The following ATF7IP2 variants were observed in gnomAD, a reference collection of about 807,000 sequenced individuals.
ATF7IP2 encodes the protein activating transcription factor 7-interacting protein 2.
ATF7IP2 carries 42 observed loss-of-function variants against 64.2 expected under a neutral mutation model. That is an observed-to-expected ratio of 0.65 (90% CI 0.51 to 0.85). The LOEUF is 0.85. Among genes scored for constraint, ATF7IP2 ranks in the 40% least tolerant of loss-of-function variants. The pLI is 0.00. For missense variants in ATF7IP2, 933 were observed against 784.2 expected (o/e 1.19, Z -2.27); for synonymous variants, 308 against 272.8 (o/e 1.13, Z -1.27).
rs770220539 is a variant in ATF7IP2 at position 10,480,906 on chromosome 16, A to G, written c.1577A>G (p.His526Arg). The G allele has an allele frequency of 6.2e-7, 1 of 1,613,058 alleles. No homozygotes were observed. Among genetic ancestry groups the G allele is most frequent in the Admixed American group, 1.7e-5 (1 of 60,000 alleles). The change falls in exon 13 of 14, where the codon CAT becomes CGT. Residue 526 changes from histidine (H) to arginine (R), a missense_variant. Transcript: ENST00000562102. The part of the protein sequence containing the change: ...TESPVSPLES[H>R]SKAASNSKET... ...AGTCCAGTATCCCCCCTGGAGTCAC[A>G]TTCGAAAGCTGCTTCAAACTCAAAG...
At chr16:10,432,526 A>T (rs541964533) in intron 5 of ATF7IP2, among the ~76,000 whole-genome samples, 5 of 152,252 alleles carry the variant, frequency 3.3e-5, no homozygotes, top group African/African-American at 1.2e-4. Context: ...GGATCGCTTG[A>T]GCCATCCAGG....
intron 6 of ATF7IP2, among the ~76,000 whole-genome samples, chr16:10,436,450 T>C (rs542132646): frequency 2.0e-5 from 3 of 151,880 alleles, no homozygotes; most frequent in Non-Finnish European, 4.4e-5. Context: ...TTAAAAGTTA[T>C]GAAAGTAAAA....
At chr16:10,424,744 A>G (rs908671560) in intron 3 of ATF7IP2, among the ~76,000 whole-genome samples, 2 of 152,214 alleles carry the variant, frequency 1.3e-5, no homozygotes, top group African/African-American at 2.4e-5. Flanking sequence ...AAGATTCTCA[A>G]CATCATTAGC....
In ATF7IP2 at chr16:10,459,443, G is replaced by A. The variant is rs530703204; in HGVS notation, c.1352+1914G>A. 2.4e-4 allele frequency among the ~76,000 whole-genome samples: 37 copies of A among 151,494 alleles called. 1 individual carries two copies. The South Asian group carries it at 5.0e-3, about 21-fold the overall frequency. On this transcript the variant is annotated intron_variant, in intron 9 of 13. Coordinates refer to ENST00000562102, the MANE Select transcript of ATF7IP2 (RefSeq NM_001393719.1). ...GTATCACACCACTGTGCTCCAGCCT[G>A]GGCGACAGAGCGAGACTCCATCTCA...
At chr16:10,447,240 A>G (rs1391094354) in intron 8 of ATF7IP2, 1 of 152,208 alleles carries the variant, frequency 6.6e-6, no homozygotes, top group East Asian at 1.9e-4. Context: ...CTGTGCACAT[A>G]GTTACCTGGT....
intron 9 of ATF7IP2, among the ~76,000 whole-genome samples, chr16:10,461,039 T>C (rs1278053169): frequency 6.6e-6 from 1 of 152,118 alleles, no homozygotes; most frequent in Non-Finnish European, 1.5e-5. Flanking sequence ...AAAAGACTTG[T>C]GCATCCACTT....
At chr16:10,401,781 A>G (rs1294992083) in intron 1 of ATF7IP2, among the ~76,000 whole-genome samples, 1 of 145,342 alleles carries the variant, frequency 6.9e-6, no homozygotes, top group Non-Finnish European at 1.5e-5. Flanking sequence ...TAATTGATTC[A>G]GTCTCACTAA....
chr16:10,400,588 T>C (rs1275226734), intron 1 of ATF7IP2, among the ~76,000 whole-genome samples: 1 of 152,246 alleles, frequency 6.6e-6, no homozygotes, highest in Non-Finnish European at 1.5e-5. Flanking sequence ...GGGGATTCTT[T>C]CAACCTTTCT....
rs184354772 is a variant in ATF7IP2 at position 10,417,418 on chromosome 16, G to A, written c.-202-2163G>A. ...TCTGTGCAATGGAAACCAAAATTGA[G>A]CAGGAGCAGCTAGACATATCTCACA... On this transcript the variant is annotated intron_variant, in intron 2 of 13. Coordinates refer to ENST00000562102, the MANE Select transcript of ATF7IP2 (RefSeq NM_001393719.1). Among the ~76,000 whole-genome samples, 3 of 152,256 alleles carry A rather than the reference G, an allele frequency of 2.0e-5. No homozygotes were observed. In the East Asian group the frequency reaches 5.8e-4, roughly 29 times the overall value.
chr16:10,430,570 C>A, intron 4 of ATF7IP2, 41 bp from the exon 5 acceptor site: 3 of 1,245,310 alleles, frequency 2.4e-6, no homozygotes, highest in South Asian at 1.5e-5. Flanking sequence ...AACTTTTATT[C>A]ACTAGAGAAA....
intron 6 of ATF7IP2, 87 bp from the exon 7 acceptor site, chr16:10,438,014 G>A (rs746553130): frequency 2.9e-6 from 3 of 1,050,526 alleles, no homozygotes; most frequent in Non-Finnish European, 3.9e-6. Context: ...AGTAAATCTG[G>A]AAAAGAGCAA....
chr16:10,440,690 T>C lies in ATF7IP2; in HGVS notation c.1194+228T>C, dbSNP rs186909329. ...GAAAGAGGATTGGTGATTGCCAAGA[T>C]TGGCTTCCCCCACCCCCATTTTATC... On this transcript the variant is annotated intron_variant, in intron 8 of 13. Coordinates refer to ENST00000562102, the MANE Select transcript of ATF7IP2 (RefSeq NM_001393719.1). Among the ~76,000 whole-genome samples, 354 of 152,332 alleles carry C rather than the reference T, an allele frequency of 2.3e-3. 1 individual carries two copies. Among genetic ancestry groups the C allele is most frequent in the African/African-American group, 7.9e-3 (329 of 41,580 alleles).
intron 12 of ATF7IP2, among the ~76,000 whole-genome samples, chr16:10,475,788 T>C (rs1340043520): frequency 9.3e-6 from 1 of 107,562 alleles, no homozygotes; most frequent in Non-Finnish European, 1.9e-5. Context: ...AAAGGCAAAA[T>C]GATCAATTTA....
At chr16:10,423,650 G>A (rs1385411228) in intron 3 of ATF7IP2, among the ~76,000 whole-genome samples, 1 of 152,098 alleles carries the variant, frequency 6.6e-6, no homozygotes, top group East Asian at 1.9e-4. Context: ...ATAATGAGGG[G>A]GTGCAGAAGG....
At chr16:10,418,556 A>C (rs2047924399) in intron 2 of ATF7IP2, among the ~76,000 whole-genome samples, 1 of 152,262 alleles carries the variant, frequency 6.6e-6, no homozygotes, top group Non-Finnish European at 1.5e-5. Context: ...CATCATTGAA[A>C]TCACAGAGCC....
intron 1 of ATF7IP2, among the ~76,000 whole-genome samples, chr16:10,389,928 C>T (rs2047288582): frequency 6.6e-6 from 1 of 152,148 alleles, no homozygotes; most frequent in African/African-American, 2.4e-5. Flanking sequence ...TCTTAAAGGG[C>T]CCTGTCGCTT....
At chr16:10,446,266 A>G (rs1377075475) in intron 8 of ATF7IP2, 2 of 152,248 alleles carry the variant, frequency 1.3e-5, no homozygotes, top group African/African-American at 4.8e-5. Flanking sequence ...TCTCCAGTCA[A>G]GAAACCTGCT....
At chr16:10,404,724 G>A (rs1353758188) in intron 1 of ATF7IP2, among the ~76,000 whole-genome samples, 1 of 151,952 alleles carries the variant, frequency 6.6e-6, no homozygotes, top group Non-Finnish European at 1.5e-5. Flanking sequence ...ATTTTTAGTA[G>A]TGACAGGATT....
Position 10,482,307 on chromosome 16 carries a change from A to C in ATF7IP2, c.*58A>C. The C allele has an allele frequency of 7.7e-7, 1 of 1,304,058 alleles. No individual in the cohort carries two copies. The highest frequency in any genetic ancestry group is 1.1e-6 in the Non-Finnish European group (1 of 943,496). 80.8% of individuals were successfully genotyped at this position (1,304,058 alleles called of 1,614,324 possible). Reference sequence around the variant, plus strand: ...TTCATATTTGTTTGTTTGCAATGTTACTGTAATACTATTTGCCATTGTAAA... The same window carrying C: ...TTCATATTTGTTTGTTTGCAATGTTCCTGTAATACTATTTGCCATTGTAAA... On this transcript the variant is annotated 3_prime_UTR_variant, in exon 14 of 14. Coordinates refer to ENST00000562102, the MANE Select transcript of ATF7IP2 (RefSeq NM_001393719.1).
Sources: allele counts gnomAD v4.1 joint callset (sites outside exome capture counted in the v4.1 genomes callset), GRCh38; gene constraint gnomAD v4.1.1; transcripts MANE v1.5; gene names NCBI Gene and HGNC (gene_info 2026-07-23, HGNC 2026-07-21).